Variants in CFAP299 observed in about 807,000 individuals in gnomAD.
The protein encoded by CFAP299 is cilia- and flagella-associated protein 299.
In CFAP299, 21 loss-of-function variants were observed where a neutral mutation model predicts 27.0. That is an observed-to-expected ratio of 0.78 (90% CI 0.55 to 1.12). CFAP299 has a LOEUF of 1.12. CFAP299 is among the 50% of genes most tolerant of loss of function. The pLI is 0.00. For synonymous variants in CFAP299, 104 were observed against 98.1 expected (o/e 1.06, Z -0.36); for missense variants, 310 against 276.6 (o/e 1.12, Z -0.86).
chr4:80,830,671 C>A (rs1730252955), intron 3 of CFAP299, among the ~76,000 whole-genome samples: 1 of 152,036 alleles, frequency 6.6e-6, no homozygotes, highest in African/African-American at 2.4e-5. Flanking sequence ...AATGTTAGAT[C>A]ACTCTGGCAG....
At chr4:80,889,011 C>CG (rs745657749) in intron 4 of CFAP299, among the ~76,000 whole-genome samples, 8 of 52,712 alleles carry the variant, frequency 1.5e-4, no homozygotes, top group Admixed American at 7.8e-4. Context: ...AGTGCCTAAG[C>CG]AAAAAAAAAA....
chr4:80,392,608 G>A (rs1161456715), intron 2 of CFAP299, among the ~76,000 whole-genome samples: 2 of 152,060 alleles, frequency 1.3e-5, no homozygotes, highest in African/African-American at 4.8e-5. Flanking sequence ...AGATGGATGT[G>A]TTTGCTTCCC....
intron 2 of CFAP299, among the ~76,000 whole-genome samples, chr4:80,578,322 AT>A (rs2109864776): frequency 6.6e-6 from 1 of 152,330 alleles, no homozygotes; most frequent in South Asian, 2.1e-4. Context: ...CACACTCTGC[AT>A]TAACTTTCAT....
At chr4:80,450,910 T>TGTGTGTGA (rs1553924204) in intron 2 of CFAP299, among the ~76,000 whole-genome samples, 2 of 147,560 alleles carry the variant, frequency 1.4e-5, no homozygotes, top group East Asian at 2.0e-4. Context: ...TGTGTGTGTG[T>TGTGTGTGA]GAGAGAGAGA....
intron 3 of CFAP299, among the ~76,000 whole-genome samples, chr4:80,645,338 C>T (rs1392817941): frequency 1.4e-5 from 2 of 147,326 alleles, no homozygotes; most frequent in Non-Finnish European, 3.0e-5. Context: ...GCACCAAGCT[C>T]TACCTACCTT....
intron 4 of CFAP299, among the ~76,000 whole-genome samples, chr4:80,888,877 A>G (rs7673318): frequency 0.33 from 50,126 of 151,596 alleles, 12,731 homozygotes; most frequent in African/African-American, 0.7. Context: ...ATGACCAATG[A>G]ATCAGTGAAA....
chr4:80,584,337 A>G (rs1371131047), intron 3 of CFAP299, among the ~76,000 whole-genome samples: 1 of 152,074 alleles, frequency 6.6e-6, no homozygotes, highest in Non-Finnish European at 1.5e-5. Context: ...TAGGAATGGT[A>G]GAATTGCAGA....
At chr4:80,931,779 A>G (rs905117944) in intron 4 of CFAP299, among the ~76,000 whole-genome samples, 3 of 152,012 alleles carry the variant, frequency 2.0e-5, no homozygotes, top group African/African-American at 7.2e-5. Context: ...TGTGAACCCA[A>G]GCCAAGCTCA....
intron 3 of CFAP299, among the ~76,000 whole-genome samples, chr4:80,593,087 T>A (rs1251464232): frequency 6.6e-6 from 1 of 152,182 alleles, no homozygotes; most frequent in Non-Finnish European, 1.5e-5. Context: ...GAGAAGAATA[T>A]ATTTTACAGC....
intron 2 of CFAP299, among the ~76,000 whole-genome samples, chr4:80,562,976 G>T (rs895785270): frequency 9.9e-5 from 15 of 151,904 alleles, no homozygotes; most frequent in African/African-American, 3.1e-4. Flanking sequence ...TGATAAAGAG[G>T]TCAATTCAGC....
At chr4:80,731,049 C>T (rs1238250979) in intron 3 of CFAP299, among the ~76,000 whole-genome samples, 2 of 152,144 alleles carry the variant, frequency 1.3e-5, no homozygotes, top group Admixed American at 6.5e-5. Flanking sequence ...ATTTGATAGA[C>T]ACACTGACTC....
chr4:80,345,503 C>A (rs1380860460), intron 1 of CFAP299, among the ~76,000 whole-genome samples: 1 of 150,098 alleles, frequency 6.7e-6, no homozygotes, highest in Non-Finnish European at 1.5e-5. Context: ...CAGTTCCCTC[C>A]TTTGAGTGAG....
chr4:80,589,758 C>A (rs1314498076), intron 3 of CFAP299, among the ~76,000 whole-genome samples: 5 of 152,112 alleles, frequency 3.3e-5, no homozygotes, highest in Non-Finnish European at 7.3e-5. Context: ...GTATTTCATA[C>A]CCACGAGGTC....
intron 2 of CFAP299, among the ~76,000 whole-genome samples, chr4:80,410,985 A>G (rs932895934): frequency 7.9e-5 from 12 of 152,332 alleles, no homozygotes; most frequent in African/African-American, 2.9e-4. Context: ...AATGTGTGTT[A>G]AATGAATGAG....
rs535079338 is a variant in CFAP299, at chr4:80,489,011, A to T, written c.243-94082A>T. On this transcript the variant is annotated intron_variant, in intron 2 of 5. Transcript: ENST00000358105. ...ACTGATTCACCTTTAGTGTTGTCTG[A>T]AACAAAAGAAATTACTTCATATTCC... Among the ~76,000 whole-genome samples, 3 of 152,324 alleles carry T rather than the reference A, an allele frequency of 2.0e-5. No homozygotes were observed. In the South Asian group the frequency reaches 6.2e-4, roughly 32 times the overall value.
In CFAP299 at chr4:80,478,838, A is replaced by T. The variant is rs190750294; in HGVS notation, c.243-104255A>T. The stretch of plus-strand genomic sequence containing the variant: ...GTGTGGGGAGGGAGGTGGTGTTCAT[A>T]TGATGGGTTCGCATACATTTTAAAT... On this transcript the variant is annotated intron_variant, in intron 2 of 5. Coordinates refer to ENST00000358105, the MANE Select transcript of CFAP299 (RefSeq NM_152770.3). Among the ~76,000 whole-genome samples, 571 of 151,470 alleles carry T rather than the reference A, an allele frequency of 3.8e-3. 1 individual carries two copies. Among genetic ancestry groups the T allele is most frequent in the Non-Finnish European group, 6.9e-3 (470 of 67,796 alleles).
chr4:80,611,193 T>A (rs1345505192), intron 3 of CFAP299, among the ~76,000 whole-genome samples: 2 of 152,102 alleles, frequency 1.3e-5, no homozygotes, highest in African/African-American at 4.8e-5. Flanking sequence ...GTGCTCTCCA[T>A]CATTCTGTCT....
At chr4:80,850,167 A>G (rs1731430996) in intron 3 of CFAP299, among the ~76,000 whole-genome samples, 2 of 152,128 alleles carry the variant, frequency 1.3e-5, no homozygotes, top group African/African-American at 4.8e-5. Flanking sequence ...TTTATAAGGT[A>G]CAAAAATTGA....
intron 3 of CFAP299, among the ~76,000 whole-genome samples, chr4:80,693,890 A>G (rs77396114): frequency 1.3e-3 from 204 of 152,138 alleles, no homozygotes; most frequent in African/African-American, 4.6e-3. Context: ...AAATTTTGCA[A>G]TAAAAATTTG....
Sources: gnomAD v4.1 joint callset for allele counts (sites outside exome capture counted in the v4.1 genomes callset) on GRCh38, gnomAD v4.1.1 for gene constraint, MANE v1.5 for transcripts, NCBI Gene and HGNC (gene_info 2026-07-23, HGNC 2026-07-21) for gene names.